SNTG1: variants seen among roughly 807,000 people sequenced by gnomAD.
The protein encoded by SNTG1 is gamma-1-syntrophin.
Under a neutral mutation model 74.7 loss-of-function variants are expected in SNTG1, and 39 were observed. The ratio of observed to expected loss-of-function variants is 0.52; its 90% CI spans 0.40 to 0.68. The LOEUF (loss-of-function observed/expected upper bound fraction) is 0.68. SNTG1 is among the 30% of genes least tolerant of loss of function. SNTG1 has a pLI of 0.00. For synonymous variants in SNTG1, 254 were observed against 217.1 expected, an observed-to-expected ratio of 1.17 and a Z score of -1.49; for missense variants, 685 against 609.5, an observed-to-expected ratio of 1.12 and a Z score of -1.30.
At chr8:50,352,069 G>C (rs541213130) in intron 2 of SNTG1, among the ~76,000 whole-genome samples, 44 of 152,242 alleles carry the variant, frequency 2.9e-4, no homozygotes, top group African/African-American at 1.0e-3. Flanking sequence ...GCTTTTCTTT[G>C]CAAGTGAGAG....
rs969825161 is a variant in SNTG1 at position 50,649,777 on chromosome 8, A to T, written c.850-7132A>T. 2.0e-4 allele frequency among the ~76,000 whole-genome samples: 31 copies of T among 151,752 alleles called. 1 individual carries two copies. Among genetic ancestry groups the T allele is most frequent in the Admixed American group, 1.8e-3 (27 of 15,236 alleles). The stretch of plus-strand genomic sequence containing the variant: ...TCGTCTTTTTTAGTTTTAGTCTATT[A>T]TTATCTTATTTTTAAATTTCTATTT... On this transcript the variant is annotated intron_variant, in intron 13 of 18. Transcript: ENST00000642720.
intron 12 of SNTG1, among the ~76,000 whole-genome samples, chr8:50,560,572 C>A (rs1321118804): frequency 6.6e-6 from 1 of 152,124 alleles, no homozygotes; most frequent in South Asian, 2.1e-4. Flanking sequence ...TTTGCAGGGA[C>A]ATGGATGGAG....
At position 50,516,592 on chromosome 8, in the gene SNTG1, G is replaced by T. The variant is rs532158133; in HGVS notation, c.467-13585G>T. Among the ~76,000 whole-genome samples the T allele has an allele frequency of 4.6e-5, 7 of 152,246 alleles. No homozygotes were observed. In the East Asian group the frequency reaches 7.7e-4, roughly 17 times the overall value. On this transcript the variant is annotated intron_variant, in intron 9 of 18. Coordinates refer to ENST00000642720, the MANE Select transcript of SNTG1 (RefSeq NM_018967.5). Reference sequence around the variant, plus strand: ...TGCTAACTAGAATAAGTTTAGAGAAGAATATAAATGACCTGATGGAGCTGA... The same window carrying T: ...TGCTAACTAGAATAAGTTTAGAGAATAATATAAATGACCTGATGGAGCTGA...
intron 2 of SNTG1, among the ~76,000 whole-genome samples, chr8:50,349,632 G>C (rs1429307848): frequency 6.6e-6 from 1 of 152,090 alleles, no homozygotes; most frequent in Non-Finnish European, 1.5e-5. Flanking sequence ...CAGTTCTAGA[G>C]GTCCAGTGAG....
At chr8:50,622,896 T>C (rs988284204) in intron 13 of SNTG1, among the ~76,000 whole-genome samples, 6 of 152,134 alleles carry the variant, frequency 3.9e-5, no homozygotes, top group Admixed American at 6.6e-5. Flanking sequence ...TATAATGAAT[T>C]CTTTCAAGAT....
chr8:50,677,792 G>A (rs967301441), intron 15 of SNTG1, among the ~76,000 whole-genome samples: 2 of 151,934 alleles, frequency 1.3e-5, no homozygotes, highest in Non-Finnish European at 2.9e-5. Context: ...AATTGATTTA[G>A]AATATATTTT....
At chr8:50,674,459 G>C (rs1269023315) in intron 15 of SNTG1, among the ~76,000 whole-genome samples, 2 of 151,720 alleles carry the variant, frequency 1.3e-5, no homozygotes, top group East Asian at 3.9e-4. Context: ...GTTTATTTGT[G>C]TAGAGGTATT....
intron 17 of SNTG1, among the ~76,000 whole-genome samples, chr8:50,724,843 G>A (rs570438013): frequency 6.6e-6 from 1 of 152,164 alleles, no homozygotes; most frequent in East Asian, 1.9e-4. Flanking sequence ...ATTTATGGTA[G>A]CATTCAAAAT....
At chr8:50,136,159 T>A (rs1042029398) in intron 1 of SNTG1, among the ~76,000 whole-genome samples, 1 of 152,178 alleles carries the variant, frequency 6.6e-6, no homozygotes, top group African/African-American at 2.4e-5. Flanking sequence ...CAACTATTCA[T>A]GGATATTTAG....
chr8:50,051,239 G>GACACACACAC (rs145739550), intron 1 of SNTG1, among the ~76,000 whole-genome samples: 3,269 of 147,180 alleles, frequency 0.022, 45 homozygotes, highest in Middle Eastern at 0.049. Flanking sequence ...AGAAAATCTT[G>GACACACACAC]ACACACACAC....
chr8:50,451,295 T>A (rs1164824753), intron 8 of SNTG1, among the ~76,000 whole-genome samples: 2 of 152,224 alleles, frequency 1.3e-5, no homozygotes, highest in Admixed American at 1.3e-4. Flanking sequence ...CAGGAGGATG[T>A]GCATAGTTTA....
chr8:50,089,495 G>A (rs879462337), intron 1 of SNTG1, among the ~76,000 whole-genome samples: 115 of 151,964 alleles, frequency 7.6e-4, no homozygotes, highest in Non-Finnish European at 1.1e-3. Context: ...GAAAATTTTT[G>A]CAACCTACTC....
chr8:49,914,524 A>G (rs1243784522), intron 1 of SNTG1, among the ~76,000 whole-genome samples: 3 of 152,124 alleles, frequency 2.0e-5, no homozygotes, highest in African/African-American at 7.2e-5. Context: ...AATCCATTCA[A>G]TTGCCTTCTT....
chr8:50,324,651 T>C (rs1272440227), intron 2 of SNTG1, among the ~76,000 whole-genome samples: 19 of 152,158 alleles, frequency 1.2e-4, no homozygotes, highest in Admixed American at 9.8e-4. Flanking sequence ...TTGTAGGATA[T>C]GCCTTTTGAA....
chr8:50,189,456 GC>G (rs1563717149), intron 2 of SNTG1, among the ~76,000 whole-genome samples: 2 of 152,230 alleles, frequency 1.3e-5, no homozygotes, highest in East Asian at 3.9e-4. Flanking sequence ...CCCAGGTGCT[GC>G]TGATGCAGGG....
chr8:50,506,751 G>T (rs937664425), intron 9 of SNTG1, among the ~76,000 whole-genome samples: 5 of 151,898 alleles, frequency 3.3e-5, no homozygotes, highest in Non-Finnish European at 7.4e-5. Flanking sequence ...GCTCATATCT[G>T]CAAACAAAGA....
intron 4 of SNTG1, among the ~76,000 whole-genome samples, chr8:50,415,848 C>A (rs1587539298): frequency 6.6e-6 from 1 of 151,886 alleles, no homozygotes. Flanking sequence ...ATTTTCAGAG[C>A]ATTAAGAAGG....
At chr8:50,070,048 C>T (rs1462510445) in intron 1 of SNTG1, among the ~76,000 whole-genome samples, 1 of 152,052 alleles carries the variant, frequency 6.6e-6, no homozygotes, top group Non-Finnish European at 1.5e-5. Flanking sequence ...ACACAGAGAA[C>T]ATTCAATGTA....
chr8:50,562,846 A>G (rs990415760), intron 12 of SNTG1, among the ~76,000 whole-genome samples: 1 of 152,234 alleles, frequency 6.6e-6, no homozygotes, highest in African/African-American at 2.4e-5. Context: ...AGTGCAAATC[A>G]GCCTATAGTA....
Sources: allele counts gnomAD v4.1 joint callset (sites outside exome capture counted in the v4.1 genomes callset), GRCh38; gene constraint gnomAD v4.1.1; transcripts MANE v1.5; gene names NCBI Gene and HGNC (gene_info 2026-07-23, HGNC 2026-07-21).